CLCN4: variants seen among roughly 807,000 people sequenced by gnomAD.
CLCN4 encodes Cl-/H+ antiporter 4.
A neutral mutation model predicts 41.7 loss-of-function variants in CLCN4; 1 was observed. That is an observed-to-expected ratio of 0.02 (90% confidence interval 0.01 to 0.11). The LOEUF (loss-of-function observed/expected upper bound fraction) is 0.11, where lower values mean the gene tolerates loss of function less well. CLCN4 is among the 10% of genes least tolerant of loss of function. The pLI, the probability that CLCN4 is intolerant of heterozygous loss-of-function variation, is 1.00. For synonymous variants in CLCN4, 277 were observed against 285.8 expected (o/e 0.97, Z 0.31); for missense variants, 287 against 661.0 (o/e 0.43, Z 6.20).
Position 10,220,716 on chromosome X carries a change from G to C in CLCN4, c.2031G>C (p.Thr677=). The stretch of plus-strand genomic sequence containing the variant: ...TGAGCAATTCCATCATGTACTTCAC[G>C]GAGGAACCCCCCGAGCTGCCGGCCA... ...GIVSNSIMYF[T]EEPPELPANS... Residue 677 remains threonine (T), a synonymous_variant, in exon 12 of 13, where the codon ACG becomes ACC. Coordinates refer to ENST00000380833, the MANE Select transcript of CLCN4 (RefSeq NM_001830.4). The C allele has an allele frequency of 8.3e-7, 1 of 1,211,546 alleles. No homozygotes were observed. Among genetic ancestry groups the C allele is most frequent in the South Asian group, 1.8e-5 (1 of 56,973 alleles).
chrX:10,192,603 C>CTGT (rs1039667484), intron 4 of CLCN4, among the ~76,000 whole-genome samples: 3 of 111,016 alleles, frequency 2.7e-5, no homozygotes, highest in African/African-American at 9.9e-5. Flanking sequence ...GGTGGGTGAC[C>CTGT]TGTTGAGGAT....
chrX:10,176,301 T>C (rs1002169050), intron 2 of CLCN4, among the ~76,000 whole-genome samples: 1 of 112,454 alleles, frequency 8.9e-6, no homozygotes, highest in Admixed American at 9.3e-5. Context: ...AAGCACAGCC[T>C]GCAGGCCAGA....
intron 2 of CLCN4, among the ~76,000 whole-genome samples, chrX:10,167,093 C>T (rs1054476504): frequency 4.4e-5 from 5 of 112,410 alleles, no homozygotes; most frequent in African/African-American, 9.7e-5. Flanking sequence ...GAAGTGTCTC[C>T]GCTGGTTCGA....
At chrX:10,204,649 T>TTTA (rs1924330123) in intron 6 of CLCN4, among the ~76,000 whole-genome samples, 1 of 88,498 alleles carries the variant, frequency 1.1e-5, no homozygotes, top group Non-Finnish European at 2.1e-5. Flanking sequence ...TTTTTTTTTT[T>TTTA]ACATACTACT....
At position 10,221,014 on chromosome X, in the gene CLCN4, T is replaced by C. The variant is rs1464205450; in HGVS notation, c.2192+137T>C. On this transcript the variant is annotated intron_variant, in intron 12 of 12. Coordinates refer to ENST00000380833, the MANE Select transcript of CLCN4 (RefSeq NM_001830.4). ...GAATGGCAGTAAGCTGTGGTGAATG[T>C]GTTGAGGAGGAAATGTACAGGGAGC... 8 of 542,373 alleles carry C rather than the reference T, an allele frequency of 1.5e-5. No homozygotes were observed. In the African/African-American group the frequency reaches 1.9e-4, roughly 13 times the overall value. 44.7% of individuals were successfully genotyped at this position (542,373 alleles called of 1,213,427 possible).
intron 2 of CLCN4, among the ~76,000 whole-genome samples, chrX:10,181,815 C>A (rs1476057636): frequency 8.9e-6 from 1 of 111,858 alleles, no homozygotes; most frequent in Non-Finnish European, 1.9e-5. Flanking sequence ...CATTCAGAGT[C>A]ACTTTTAACA....
At chrX:10,173,328 C>G (rs111537274) in intron 2 of CLCN4, among the ~76,000 whole-genome samples, 5,176 of 111,350 alleles carry the variant, frequency 0.046, 137 homozygotes, top group Middle Eastern at 0.075. Flanking sequence ...AGATCTCACC[C>G]GAGGCCGCAC....
In CLCN4 at chrX:10,208,182, G is replaced by T; in HGVS notation, c.981G>T (p.Trp327Cys). ...VLFYVEYHTP[W>C]YMAELFPFIL... ...TTTATGTGGAATACCACACGCCCTGGTACATGGCTGAACTCTTCCCCTTCA... is the reference window on the plus strand; with the variant it reads ...TTTATGTGGAATACCACACGCCCTGTTACATGGCTGAACTCTTCCCCTTCA... Residue 327 changes from tryptophan (W) to cysteine (C), a missense_variant, in exon 9 of 13, where the codon TGG becomes TGT. Physicochemically the swap from Trp to Cys is radical, Grantham distance 215. Around this residue, in one of 6 missense-constraint regions of CLCN4, gnomAD observed 94 missense variants for 177.9 expected, o/e 0.53. Transcript: ENST00000380833. 8.3e-7 allele frequency: 1 copy of T among 1,211,113 alleles called. No homozygotes were observed. Among genetic ancestry groups the T allele is most frequent in the Non-Finnish European group, 1.1e-6 (1 of 895,434 alleles).
intron 5 of CLCN4, 101 bp downstream of exon 5, chrX:10,195,199 A>C: frequency 1.2e-6 from 1 of 850,167 alleles, no homozygotes; most frequent in East Asian, 3.2e-5. Context: ...TTCACCTTCA[A>C]GTGCCTGCTC....
intron 6 of CLCN4, among the ~76,000 whole-genome samples, chrX:10,198,926 G>A (rs774383315): frequency 2.3e-4 from 26 of 112,389 alleles, no homozygotes; most frequent in Non-Finnish European, 3.9e-4. Flanking sequence ...GTAGTTGTGG[G>A]CTGAGTATGG....
At chrX:10,214,182 G>A (rs973633310) in intron 11 of CLCN4, 103 bp downstream of exon 11, 32 of 878,542 alleles carry the variant, frequency 3.6e-5, no homozygotes, top group Non-Finnish European at 3.7e-5. Flanking sequence ...ATTAAGCCAG[G>A]GGCTCTCAAG....
chrX:10,232,634 A>G (rs1448569650), intron 12 of CLCN4, among the ~76,000 whole-genome samples: 1 of 111,978 alleles, frequency 8.9e-6, no homozygotes, highest in Non-Finnish European at 1.9e-5. Flanking sequence ...CCCAAGGGAC[A>G]TGATGTGTTC....
At chrX:10,196,389 A>G (rs746032864) in intron 5 of CLCN4, among the ~76,000 whole-genome samples, 6 of 112,024 alleles carry the variant, frequency 5.4e-5, no homozygotes, top group Admixed American at 1.9e-4. Context: ...GGTTACCACC[A>G]TGACTATGAG....
intron 5 of CLCN4, 49 bp downstream of exon 5, chrX:10,195,147 G>A (rs768257185): frequency 1.9e-5 from 21 of 1,100,681 alleles, no homozygotes; most frequent in Admixed American, 4.5e-5. Flanking sequence ...CGTTCCATGC[G>A]TGCTTGGGAA....
chrX:10,189,284 C>G (rs986769153), intron 4 of CLCN4, among the ~76,000 whole-genome samples: 3 of 112,394 alleles, frequency 2.7e-5, no homozygotes, highest in Non-Finnish European at 5.6e-5. Context: ...GATTCATTGA[C>G]TGACCTAGGA....
intron 2 of CLCN4, among the ~76,000 whole-genome samples, chrX:10,168,724 TC>T (rs769277324): frequency 9.0e-5 from 10 of 111,055 alleles, no homozygotes; most frequent in Middle Eastern, 4.6e-3. Context: ...AGTGCCCAGA[TC>T]CAGAAATGGA....
intron 2 of CLCN4, among the ~76,000 whole-genome samples, chrX:10,178,620 G>C (rs1170722635): frequency 1.8e-5 from 2 of 111,815 alleles, no homozygotes; most frequent in African/African-American, 6.5e-5. Context: ...TAGATAACTT[G>C]CTTCCTGGAC....
intron 2 of CLCN4, among the ~76,000 whole-genome samples, chrX:10,168,514 G>A (rs781494823): frequency 1.2e-4 from 13 of 112,216 alleles, no homozygotes; most frequent in Non-Finnish European, 2.3e-4. Context: ...AGTATTTCAC[G>A]GGCACTTCAA....
Position 10,233,563 on chromosome X carries a change from C to T in CLCN4, c.2262C>T (p.Pro754=), listed in dbSNP as rs185639914. The T allele has an allele frequency of 8.3e-6, 10 of 1,203,281 alleles. No individual in the cohort carries two copies. The highest frequency in any genetic ancestry group is 7.0e-5 in the African/African-American group (4 of 56,978). ...RHMAQMANQD[P]ESIMFN is the part of the protein sequence containing the mutation. ...TGGCCCAGATGGCAAACCAGGACCC[C>T]GAATCCATCATGTTTAATTAGCAAC... Residue 754 remains proline (P), a synonymous_variant, in exon 13 of 13, where the codon CCC becomes CCT. Coordinates refer to ENST00000380833, the MANE Select transcript of CLCN4 (RefSeq NM_001830.4).
Sources: allele counts gnomAD v4.1 joint callset (sites outside exome capture counted in the v4.1 genomes callset), GRCh38; gene constraint gnomAD v4.1.1; regional missense constraint gnomAD v4.1.1; transcripts MANE v1.5; gene names NCBI Gene and HGNC (gene_info 2026-07-23, HGNC 2026-07-21).